CLECL1: variants seen among roughly 807,000 people sequenced by gnomAD.
CLECL1 encodes C-type lectin-like domain family 1.
chr12:9,722,454 C>T (rs1866324534), downstream of CLECL1: 3 of 1,130,972 alleles, frequency 2.7e-6, no homozygotes, highest in Non-Finnish European at 1.1e-6. Flanking sequence ...TGAATTTCCC[C>T]TCCTCCTAGC....
chr12:9,722,479 ACC>A, downstream of CLECL1: 1 of 1,326,576 alleles, frequency 7.5e-7, no homozygotes, highest in Non-Finnish European at 9.7e-7. Flanking sequence ...AAAAAAAAAA[ACC>A]TCAAAGGTAA....
intron 2 of CLECL1, chr12:9,716,832 C>G: frequency 2.0e-6 from 2 of 992,606 alleles, no homozygotes; most frequent in Non-Finnish European, 1.4e-6. Context: ...ACATTTGAGG[C>G]AAAACTACTG....
chr12:9,702,407 C>T, the CLECL1 span, among the ~76,000 whole-genome samples: 1 of 152,284 alleles, frequency 6.6e-6, no homozygotes, highest in South Asian at 2.1e-4. Flanking sequence ...TGCTATTCCG[C>T]TGCTCTGCTG....
At chr12:9,727,474 G>A (rs1289870946) in intron 3 of CLECL1, among the ~76,000 whole-genome samples, 1 of 151,738 alleles carries the variant, frequency 6.6e-6, no homozygotes, top group East Asian at 1.9e-4. Flanking sequence ...TGATAGAGAA[G>A]TTTCTCCTCT....
chr12:9,722,446 A>C, downstream of CLECL1: 1 of 1,066,172 alleles, frequency 9.4e-7, no homozygotes, highest in South Asian at 2.4e-5. Flanking sequence ...ACATAAAATG[A>C]ATTTCCCCTC....
chr12:9,718,543 G>T, downstream of CLECL1: 1 of 269,490 alleles, frequency 3.7e-6, no homozygotes, highest in Non-Finnish European at 6.7e-6. Context: ...GGGCTGAATT[G>T]TACTACTCCA....
chr12:9,714,925 G>T (rs746279134), downstream of CLECL1, among the ~76,000 whole-genome samples: 19 of 152,290 alleles, frequency 1.2e-4, no homozygotes, highest in South Asian at 3.9e-3. Context: ...TGGTTCTGGA[G>T]AGCATCTTTG....
At chr12:9,703,207 A>G in the CLECL1 span, among the ~76,000 whole-genome samples, 1 of 152,228 alleles carries the variant, frequency 6.6e-6, no homozygotes, top group African/African-American at 2.4e-5. Context: ...TCCTTTAAAT[A>G]CAATATCTAT....
downstream of CLECL1, among the ~76,000 whole-genome samples, chr12:9,719,297 C>T (rs1387836840): frequency 6.6e-6 from 1 of 152,058 alleles, no homozygotes; most frequent in African/African-American, 2.4e-5. Context: ...GAGGCTGAGG[C>T]GGGCAGATCA....
At chr12:9,734,213 G>C (rs778478616), upstream of CLECL1, among the ~76,000 whole-genome samples, 1 of 152,250 alleles carries the variant, frequency 6.6e-6, no homozygotes, top group African/African-American at 2.4e-5. Flanking sequence ...TTTAACTTAG[G>C]TTAATTAAAT....
At chr12:9,717,754 C>T (rs918485015), downstream of CLECL1, among the ~76,000 whole-genome samples, 1 of 152,140 alleles carries the variant, frequency 6.6e-6, no homozygotes, top group Non-Finnish European at 1.5e-5. Flanking sequence ...ATATATCTCT[C>T]CTTTGACAAT....
At chr12:9,725,621 T>G (rs781312052) in intron 3 of CLECL1, among the ~76,000 whole-genome samples, 8 of 152,208 alleles carry the variant, frequency 5.3e-5, no homozygotes, top group African/African-American at 1.9e-4. Context: ...AATAGCAACT[T>G]GGATTTGTAT....
At chr12:9,714,671 G>C (rs1218931211), downstream of CLECL1, among the ~76,000 whole-genome samples, 4 of 152,152 alleles carry the variant, frequency 2.6e-5, no homozygotes, top group African/African-American at 9.7e-5. Flanking sequence ...GAGACTTTTA[G>C]AACTTAAAAA....
At chr12:9,711,916 C>A (rs1431608159), downstream of CLECL1, among the ~76,000 whole-genome samples, 1 of 152,192 alleles carries the variant, frequency 6.6e-6, no homozygotes, top group East Asian at 1.9e-4. Context: ...TAACATGACT[C>A]AAGCTGAAAG....
intron 2 of CLECL1, among the ~76,000 whole-genome samples, chr12:9,717,086 T>A (rs1866246929): frequency 6.6e-6 from 1 of 152,178 alleles, no homozygotes; most frequent in African/African-American, 2.4e-5. Context: ...CTGGAAGTAT[T>A]TCTGTGTTTT....
chr12:9,705,035 A>G, the CLECL1 span, among the ~76,000 whole-genome samples: 6 of 152,208 alleles, frequency 3.9e-5, no homozygotes, highest in East Asian at 7.7e-4. Context: ...CCAACAACGT[A>G]AAAGCATTCC....
the CLECL1 span, among the ~76,000 whole-genome samples, chr12:9,702,619 CA>C: frequency 8.5e-5 from 13 of 152,160 alleles, no homozygotes; most frequent in Non-Finnish European, 1.8e-4. Context: ...CCCATATCAC[CA>C]ACACTGCTCC....
At chr12:9,716,774 T>C in exon 3 of CLECL1, 1 of 1,278,308 alleles carries the variant, frequency 7.8e-7, no homozygotes, top group Non-Finnish European at 1.0e-6. Flanking sequence ...AAAGATTGGA[T>C]TTCTAGATTT....
chr12:9,703,337 C>T, the CLECL1 span, among the ~76,000 whole-genome samples: 1 of 151,900 alleles, frequency 6.6e-6, no homozygotes, highest in Non-Finnish European at 1.5e-5. Flanking sequence ...TTTATATATA[C>T]ACACATACAC....
Sources: gnomAD v4.1 joint callset for allele counts (sites outside exome capture counted in the v4.1 genomes callset) on GRCh38, gnomAD v4.1.1 for gene constraint, MANE v1.5 for transcripts, NCBI Gene and HGNC (gene_info 2026-07-23, HGNC 2026-07-21) for gene names.